Variants in CIMIP6 observed in about 807,000 individuals in gnomAD.
CIMIP6 encodes the protein uncharacterized protein C2orf73.
At chr2:54,330,979 G>A in the CIMIP6 span, 2 of 1,613,540 alleles carry the variant, frequency 1.2e-6, no homozygotes, top group Admixed American at 3.3e-5. Context: ...GAGGCCCATG[G>A]AGGAAAAGGA....
chr2:54,377,904 G>A, the CIMIP6 span, among the ~76,000 whole-genome samples: 4 of 152,168 alleles, frequency 2.6e-5, no homozygotes, highest in African/African-American at 9.7e-5. Flanking sequence ...GATAAAGCTG[G>A]TAGCGAATAC....
the CIMIP6 span, among the ~76,000 whole-genome samples, chr2:54,356,488 A>T: frequency 3.3e-5 from 5 of 152,068 alleles, no homozygotes; most frequent in Non-Finnish European, 7.4e-5. Flanking sequence ...CCAAATTGCC[A>T]CCAACCCTTC....
chr2:54,348,939 A>G, the CIMIP6 span, among the ~76,000 whole-genome samples: 1 of 152,172 alleles, frequency 6.6e-6, no homozygotes, highest in African/African-American at 2.4e-5. Context: ...CAGTTAACAA[A>G]CAGCTATGCT....
At chr2:54,380,038 G>C in the CIMIP6 span, among the ~76,000 whole-genome samples, 4,424 of 151,936 alleles carry the variant, frequency 0.029, 89 homozygotes, top group Non-Finnish European at 0.045. Context: ...AGCTACTCAG[G>C]AGGCTGAGGT....
chr2:54,362,588 G>A, the CIMIP6 span, among the ~76,000 whole-genome samples: 6 of 152,132 alleles, frequency 3.9e-5, no homozygotes, highest in Non-Finnish European at 5.9e-5. Context: ...TCTCTCCAGA[G>A]CCAGGCTGGA....
At chr2:54,331,888 A>G in the CIMIP6 span, among the ~76,000 whole-genome samples, 1 of 152,248 alleles carries the variant, frequency 6.6e-6, no homozygotes, top group Admixed American at 6.5e-5. Context: ...TTGAACGTGC[A>G]TAAGAATCAG....
At chr2:54,369,199 T>C in the CIMIP6 span, among the ~76,000 whole-genome samples, 1 of 152,064 alleles carries the variant, frequency 6.6e-6, no homozygotes. Context: ...CAGGAATTTG[T>C]GTGTGGGGGT....
At chr2:54,350,325 T>G in the CIMIP6 span, among the ~76,000 whole-genome samples, 1 of 152,238 alleles carries the variant, frequency 6.6e-6, no homozygotes, top group Non-Finnish European at 1.5e-5. Context: ...TCTTATTAGC[T>G]CAATGTTCTG....
At chr2:54,338,504 A>G in the CIMIP6 span, among the ~76,000 whole-genome samples, 3 of 75,150 alleles carry the variant, frequency 4.0e-5, 1 homozygote, top group South Asian at 6.1e-4. Flanking sequence ...ATTTCTAACT[A>G]TCCAAGAAAT....
At chr2:54,367,254 A>G in the CIMIP6 span, among the ~76,000 whole-genome samples, 1 of 152,152 alleles carries the variant, frequency 6.6e-6, no homozygotes, top group African/African-American at 2.4e-5. Context: ...ATTAACCTAT[A>G]TATTAACTAT....
chr2:54,358,939 T>C, the CIMIP6 span: 2 of 1,336,736 alleles, frequency 1.5e-6, no homozygotes, highest in Non-Finnish European at 2.1e-6. Context: ...TGTCCTGACT[T>C]CACAAAATCT....
chr2:54,344,319 T>C, the CIMIP6 span, among the ~76,000 whole-genome samples: 1 of 152,152 alleles, frequency 6.6e-6, no homozygotes, highest in African/African-American at 2.4e-5. Flanking sequence ...TTCCCTGCCT[T>C]CCAAGACCCT....
chr2:54,335,026 T>C, the CIMIP6 span: 1 of 1,587,900 alleles, frequency 6.3e-7, no homozygotes, highest in South Asian at 1.2e-5. Flanking sequence ...GAAATACAGG[T>C]TGGACAGATG....
the CIMIP6 span, among the ~76,000 whole-genome samples, chr2:54,353,672 A>G: frequency 6.6e-6 from 1 of 152,138 alleles, no homozygotes. Context: ...AGTTCTAAAA[A>G]AGTTGATTTT....
the CIMIP6 span, among the ~76,000 whole-genome samples, chr2:54,368,921 T>C: frequency 8.8e-4 from 134 of 152,298 alleles, no homozygotes; most frequent in African/African-American, 3.2e-3. Context: ...TGATTTTTAA[T>C]CTGATTCTTT....
the CIMIP6 span, among the ~76,000 whole-genome samples, chr2:54,356,092 C>G: frequency 6.7e-6 from 1 of 149,976 alleles, no homozygotes; most frequent in Admixed American, 6.7e-5. Context: ...TACTGTCACT[C>G]TACTAGGCTG....
the CIMIP6 span, among the ~76,000 whole-genome samples, chr2:54,346,501 A>G: frequency 6.6e-6 from 1 of 152,296 alleles, no homozygotes; most frequent in South Asian, 2.1e-4. Flanking sequence ...CAAACCTGAT[A>G]TGGCTGGAAT....
the CIMIP6 span, among the ~76,000 whole-genome samples, chr2:54,332,884 G>T: frequency 6.6e-6 from 1 of 152,116 alleles, no homozygotes; most frequent in Non-Finnish European, 1.5e-5. Flanking sequence ...AATAGAAAAA[G>T]GTTTAGAAGT....
At chr2:54,364,451 G>T in the CIMIP6 span, among the ~76,000 whole-genome samples, 1 of 152,180 alleles carries the variant, frequency 6.6e-6, no homozygotes, top group African/African-American at 2.4e-5. Flanking sequence ...TATATGTTAA[G>T]TACTGAAGCA....
Sources: gnomAD v4.1 joint callset for allele counts (sites outside exome capture counted in the v4.1 genomes callset) on GRCh38, gnomAD v4.1.1 for gene constraint, MANE v1.5 for transcripts, NCBI Gene and HGNC (gene_info 2026-07-23, HGNC 2026-07-21) for gene names.